NCOA1: variants seen among roughly 807,000 people sequenced by gnomAD.
NCOA1 encodes the protein nuclear receptor coactivator 1.
NCOA1 carries 35 observed loss-of-function variants against 150.9 expected under a neutral mutation model. The ratio of observed to expected loss-of-function variants is 0.23; its 90% CI spans 0.18 to 0.31. The LOEUF (loss-of-function observed/expected upper bound fraction) is 0.31. Among genes scored for constraint, NCOA1 ranks in the 10% least tolerant of loss-of-function variants. The pLI is 1.00. For missense variants in NCOA1, 1,491 were observed against 1,749.3 expected, an observed-to-expected ratio of 0.85 and a Z score of 2.63; for synonymous variants, 590 against 630.0, an observed-to-expected ratio of 0.94 and a Z score of 0.95.
At chr2:24,605,455 ACTATT>A (rs1428300714) in intron 3 of NCOA1, among the ~76,000 whole-genome samples, 2 of 152,154 alleles carry the variant, frequency 1.3e-5, no homozygotes, top group Admixed American at 6.5e-5. Context: ...CTGGGTTTAT[ACTATT>A]CAGTTAAGGG....
chr2:24,630,801 T>A (rs531849987), intron 3 of NCOA1, among the ~76,000 whole-genome samples: 5 of 152,142 alleles, frequency 3.3e-5, no homozygotes, highest in Admixed American at 6.5e-5. Context: ...TCACTTTTTT[T>A]AAAGTGAAAG....
rs70947842 is a variant in NCOA1 at position 24,760,306 on chromosome 2, A to ATT, written c.4065+2173_4065+2174dup. Among the ~76,000 whole-genome samples, 442 of 99,726 alleles carry ATT rather than the reference A, an allele frequency of 4.4e-3. 1 individual carries two copies. The highest frequency in any genetic ancestry group is 0.013 in the African/African-American group (334 of 26,278). 65.4% of individuals were successfully genotyped at this position (99,726 alleles called of 152,430 possible). ...AGGCACCCGCCACCATGCCCGGCTA[A>ATT]TTTTTTTTTTTTTTTTTTTTTTTTG... On this transcript the variant is annotated intron_variant, in intron 21 of 22. Transcript: ENST00000348332.
intron 17 of NCOA1, among the ~76,000 whole-genome samples, chr2:24,732,081 C>T (rs910491975): frequency 6.6e-6 from 1 of 152,062 alleles, no homozygotes; most frequent in African/African-American, 2.4e-5. Flanking sequence ...AAGGCCAGAC[C>T]AAGGGTCTAG....
In NCOA1 at chr2:24,691,671, ACG is replaced by A; in HGVS notation, c.712+12_712+13del. The A allele has an allele frequency of 6.2e-7, 1 of 1,610,360 alleles. No individual in the cohort carries two copies. The highest frequency in any genetic ancestry group is 1.1e-5 in the South Asian group (1 of 90,534). On this transcript the variant is annotated intron_variant, in intron 9 of 22. Transcript: ENST00000348332. Reference sequence around the variant, plus strand: ...AAGAGGATGGAGAAGGTAAAGCCAAACGGTCTTTTTAAAGTGTTTATTTCTTC... The same window carrying A: ...AAGAGGATGGAGAAGGTAAAGCCAAAGTCTTTTTAAAGTGTTTATTTCTTC...
chr2:24,669,214 A>C (rs1417670556), intron 6 of NCOA1, among the ~76,000 whole-genome samples: 1 of 152,252 alleles, frequency 6.6e-6, no homozygotes, highest in African/African-American at 2.4e-5. Context: ...TTAGTATAAC[A>C]ACACACCCAA....
chr2:24,692,944 T>C (rs1003537136), intron 9 of NCOA1, among the ~76,000 whole-genome samples: 1 of 152,192 alleles, frequency 6.6e-6, no homozygotes, highest in Non-Finnish European at 1.5e-5. Context: ...CACTGCAAGC[T>C]CCACCTCCCG....
At chr2:24,712,344 A>G (rs1362560717) in intron 14 of NCOA1, among the ~76,000 whole-genome samples, 1 of 152,186 alleles carries the variant, frequency 6.6e-6, no homozygotes, top group African/African-American at 2.4e-5. Context: ...ATATTGATTG[A>G]TTTGGAGGTC....
chr2:24,531,413 T>C (rs1664882520), intron 1 of NCOA1, among the ~76,000 whole-genome samples: 1 of 151,970 alleles, frequency 6.6e-6, no homozygotes, highest in Non-Finnish European at 1.5e-5. Context: ...AAAAAAATAA[T>C]CTATTTTGCA....
intron 4 of NCOA1, 59 bp from the exon 5 acceptor site, chr2:24,658,602 C>T: frequency 7.6e-7 from 1 of 1,318,342 alleles, no homozygotes; most frequent in South Asian, 1.2e-5. Flanking sequence ...GCTTCCCTAC[C>T]TTTATTTGGT....
intron 1 of NCOA1, among the ~76,000 whole-genome samples, chr2:24,553,626 A>G (rs1292239134): frequency 6.6e-6 from 1 of 152,194 alleles, no homozygotes; most frequent in Non-Finnish European, 1.5e-5. Context: ...CCAACATTGC[A>G]TTCTTGGGAT....
intron 14 of NCOA1, among the ~76,000 whole-genome samples, chr2:24,719,949 G>A (rs559736871): frequency 7.7e-4 from 117 of 152,210 alleles, no homozygotes; most frequent in Admixed American, 1.9e-3. Flanking sequence ...GAGGAGGTTC[G>A]AACAAAGTGC....
chr2:24,736,819 G>A (rs1165701669), intron 17 of NCOA1, among the ~76,000 whole-genome samples: 4 of 152,106 alleles, frequency 2.6e-5, no homozygotes, highest in Non-Finnish European at 4.4e-5. Flanking sequence ...TTGTGTCAGC[G>A]AAAATGTCTT....
intron 1 of NCOA1, among the ~76,000 whole-genome samples, chr2:24,527,507 A>C (rs1423264300): frequency 6.6e-6 from 1 of 152,182 alleles, no homozygotes; most frequent in Non-Finnish European, 1.5e-5. Flanking sequence ...TAAGGCTTAC[A>C]TAATATTCCA....
chr2:24,539,382 C>T (rs921654126), intron 1 of NCOA1, among the ~76,000 whole-genome samples: 20 of 152,126 alleles, frequency 1.3e-4, no homozygotes, highest in Non-Finnish European at 2.9e-5. Context: ...CCTGAAAAAG[C>T]ATGTTGTGTA....
chr2:24,576,149 GTT>G (rs1183405187), intron 2 of NCOA1, among the ~76,000 whole-genome samples: 5 of 94,002 alleles, frequency 5.3e-5, no homozygotes, highest in African/African-American at 2.2e-4. Context: ...TTTGGCCTTT[GTT>G]TTTTTTTTTT....
At chr2:24,766,415 A>C (rs1469982237) in intron 22 of NCOA1, among the ~76,000 whole-genome samples, 1 of 152,178 alleles carries the variant, frequency 6.6e-6, no homozygotes, top group Non-Finnish European at 1.5e-5. Context: ...GGTCATGTGA[A>C]GTTTCAGTGG....
At chr2:24,586,316 T>TGATGTGC (rs1667407816) in intron 3 of NCOA1, among the ~76,000 whole-genome samples, 1 of 143,956 alleles carries the variant, frequency 6.9e-6, no homozygotes. Flanking sequence ...GCTGGGCCGG[T>TGATGTGC]GATGTGCGCC....
intron 3 of NCOA1, among the ~76,000 whole-genome samples, chr2:24,629,815 TAC>T (rs67786487): frequency 0.2 from 19,217 of 96,860 alleles, 1,635 homozygotes; most frequent in South Asian, 0.24. Flanking sequence ...GTAACATACA[TAC>T]ATATATATAT....
chr2:24,683,908 G>T (rs532483359), intron 8 of NCOA1, among the ~76,000 whole-genome samples: 1 of 151,784 alleles, frequency 6.6e-6, no homozygotes, highest in South Asian at 2.1e-4. Context: ...TTCCATTTTA[G>T]ATTTTTTGTT....
Sources: allele counts gnomAD v4.1 joint callset (sites outside exome capture counted in the v4.1 genomes callset), GRCh38; gene constraint gnomAD v4.1.1; transcripts MANE v1.5; gene names NCBI Gene and HGNC (gene_info 2026-07-23, HGNC 2026-07-21).